The following SLC13A2 variants were observed in gnomAD, a reference collection of about 807,000 sequenced individuals.
SLC13A2 encodes the protein solute carrier family 13 member 2.
A neutral mutation model predicts 58.5 loss-of-function variants in SLC13A2; 40 were observed. That is an observed-to-expected ratio of 0.68 (90% CI 0.53 to 0.89). The LOEUF (loss-of-function observed/expected upper bound fraction) is 0.89. Ranked by LOEUF, SLC13A2 falls within the 40% of genes least tolerant of loss-of-function variation. SLC13A2 has a pLI of 0.00. For missense variants in SLC13A2, 694 were observed against 772.6 expected (o/e 0.90, Z 1.21); for synonymous variants, 341 against 331.6 (o/e 1.03, Z -0.31).
chr17:28,491,549 C>T lies in SLC13A2; in HGVS notation c.687C>T (p.Ala229=). The T allele has an allele frequency of 1.2e-6, 2 of 1,613,792 alleles. No individual in the cohort carries two copies. The highest frequency in any genetic ancestry group is 1.7e-5 in the Admixed American group (1 of 60,034). Residue 229 remains alanine (A), a synonymous_variant, in exon 5 of 12, where the codon GCC becomes GCT. Coordinates refer to ENST00000314669, the MANE Select transcript of SLC13A2 (RefSeq NM_003984.4). ...TGAGCCTGTGCGTGTGCTACTCCGC[C>T]AGCATCGGGGGCATCGCCACGCTGA... ...QCMSLCVCYS[A]SIGGIATLTG... is the part of the protein sequence containing the mutation.
In SLC13A2 at chr17:28,494,810, C is replaced by T. The variant is rs909692054; in HGVS notation, c.1308+298C>T. Among the ~76,000 whole-genome samples the T allele has an allele frequency of 6.6e-6, 1 of 152,100 alleles. No individual in the cohort carries two copies. Among genetic ancestry groups the T allele is most frequent in the African/African-American group, 2.4e-5 (1 of 41,404 alleles). On this transcript the variant is annotated intron_variant, in intron 9 of 11. Transcript: ENST00000314669. This position sits in a 1 kb window ranked among gnomAD's most constrained non-coding sequence, Gnocchi z 4.0. ...TGCCATCCCACCCCAGCCCTTTGCC[C>T]GCTGCCAGAGCACACAGTAGCATCA...
chr17:28,495,448 G>T (rs1451705693), intron 9 of SLC13A2, among the ~76,000 whole-genome samples: 1 of 152,062 alleles, frequency 6.6e-6, no homozygotes, highest in African/African-American at 2.4e-5. Context: ...TTTCTCATCT[G>T]CCCCTTCTTC....
Position 28,496,325 on chromosome 17 carries a change from T to C in SLC13A2, c.1471-125T>C. 1 of 1,280,046 alleles carries C rather than the reference T, an allele frequency of 7.8e-7. No individual in the cohort carries two copies. The highest frequency in any genetic ancestry group is 1.0e-6 in the Non-Finnish European group (1 of 954,374). 79.3% of individuals were successfully genotyped at this position (1,280,046 alleles called of 1,614,324 possible). On this transcript the variant is annotated intron_variant, in intron 10 of 11. Transcript: ENST00000314669. This position sits in a 1 kb window ranked among gnomAD's most constrained non-coding sequence, Gnocchi z 4.2. ...GTGCCTTCTGGGAGAAGAGGTGGGC[T>C]CATGACCAGAGAGTGTATTAGGGTA...
chr17:28,478,020 T>C (rs2068722193), intron 1 of SLC13A2, among the ~76,000 whole-genome samples: 1 of 151,814 alleles, frequency 6.6e-6, no homozygotes, highest in Non-Finnish European at 1.5e-5. Context: ...ATTGTGCCAC[T>C]GCACTCCAGC....
intron 5 of SLC13A2, 29 bp from the exon 6 acceptor site, chr17:28,491,701 T>C (rs782116847): frequency 3.1e-6 from 5 of 1,612,606 alleles, no homozygotes; most frequent in Non-Finnish European, 4.2e-6. Context: ...CGGGGCAATG[T>C]CACACGGCAG....
chr17:28,493,443 TG>T, intron 6 of SLC13A2, 127 bp from the exon 7 acceptor site: 1 of 696,888 alleles, frequency 1.4e-6, no homozygotes, highest in Non-Finnish European at 2.3e-6. Flanking sequence ...CAGGCGGAGC[TG>T]GGGCCTGAGT....
chr17:28,487,859 G>A (rs1468167700), intron 1 of SLC13A2, among the ~76,000 whole-genome samples: 1 of 152,192 alleles, frequency 6.6e-6, no homozygotes, highest in Non-Finnish European at 1.5e-5. Flanking sequence ...ATTTGGTGGG[G>A]CTATGTGCAG....
rs1262049506 is a variant in SLC13A2 at position 28,494,987 on chromosome 17, G to C, written c.1308+475G>C. Reference sequence around the variant, plus strand: ...GGGAAATCCCTGACACGGCATCCCTGGGCCTCCGTGTTCTGGCTCAAACAG... The same window carrying C: ...GGGAAATCCCTGACACGGCATCCCTCGGCCTCCGTGTTCTGGCTCAAACAG... On this transcript the variant is annotated intron_variant, in intron 9 of 11. Transcript: ENST00000314669. The surrounding 1 kb of genome is among the most constrained non-coding windows in gnomAD (Gnocchi z 4.0). Among the ~76,000 whole-genome samples, 7 of 152,136 alleles carry C rather than the reference G, an allele frequency of 4.6e-5. No individual in the cohort carries two copies. Among genetic ancestry groups the C allele is most frequent in the Non-Finnish European group, 7.4e-5 (5 of 68,024 alleles).
At position 28,474,540 on chromosome 17, in the gene SLC13A2, C is replaced by T. The variant is rs962571284; in HGVS notation, c.102+726C>T. On this transcript the variant is annotated intron_variant, in intron 1 of 11. Coordinates refer to ENST00000314669, the MANE Select transcript of SLC13A2 (RefSeq NM_003984.4). The stretch of plus-strand genomic sequence containing the variant: ...TTTTCCACCATCTTAAGAGGTCAGG[C>T]CTGACTGTCCCATTTGACAAATGGG... Among the ~76,000 whole-genome samples the T allele has an allele frequency of 2.6e-5, 4 of 152,102 alleles. No individual in the cohort carries two copies. In the South Asian group the frequency reaches 8.3e-4, roughly 32 times the overall value.
intron 1 of SLC13A2, among the ~76,000 whole-genome samples, chr17:28,474,531 G>C (rs1353756379): frequency 2.0e-5 from 3 of 152,092 alleles, no homozygotes; most frequent in Admixed American, 2.0e-4. Context: ...ACCATCTTAA[G>C]AGGTCAGGCC....
intron 5 of SLC13A2, 49 bp downstream of exon 5, chr17:28,491,666 GA>G (rs1345696288): frequency 1.2e-6 from 2 of 1,608,396 alleles, no homozygotes; most frequent in African/African-American, 2.7e-5. Flanking sequence ...CATTCACTGG[GA>G]GGTGAATGGG....
chr17:28,494,124 G>T lies in SLC13A2; in HGVS notation c.1186+19G>T. On this transcript the variant is annotated intron_variant, in intron 8 of 11. Coordinates refer to ENST00000314669, the MANE Select transcript of SLC13A2 (RefSeq NM_003984.4). This position sits in a 1 kb window ranked among gnomAD's most constrained non-coding sequence, Gnocchi z 4.0. ...GACCCAGGTAAGCACCTGGACTGGG[G>T]CAGGGAAGGGTCTCCGGGCAGCCCC... 6.2e-7 allele frequency: 1 copy of T among 1,607,100 alleles called. No individual in the cohort carries two copies. The highest frequency in any genetic ancestry group is 8.5e-7 in the Non-Finnish European group (1 of 1,173,596).
chr17:28,492,317 G>A (rs879963844), intron 6 of SLC13A2, among the ~76,000 whole-genome samples: 3 of 151,788 alleles, frequency 2.0e-5, no homozygotes, highest in Non-Finnish European at 4.4e-5. Context: ...GTGGGGTCAC[G>A]ACAGAGGGAA....
chr17:28,489,339 T>C lies in SLC13A2; in HGVS notation c.228T>C (p.Ser76=), dbSNP rs782118150. The C allele has an allele frequency of 6.3e-7, 1 of 1,586,832 alleles. No homozygotes were observed. The change falls in exon 2 of 12, where the codon TCT becomes TCC. Residue 76 remains serine (S), a synonymous_variant. Coordinates refer to ENST00000314669, the MANE Select transcript of SLC13A2 (RefSeq NM_003984.4). ...CTATGATGGGCATCGTGGATGCCTC[T>C]GAGGTGAGCCCCATCCATAGGAGAA... is the stretch of plus-strand genomic sequence containing the variant. ...LFPMMGIVDA[S]EVAVEYLKDS...
chr17:28,487,488 A>G (rs1242610927), intron 1 of SLC13A2: 2 of 961,842 alleles, frequency 2.1e-6, no homozygotes, highest in Non-Finnish European at 1.2e-6. Flanking sequence ...CACATAGAAT[A>G]TGACGCCTGG....
Position 28,495,638 on chromosome 17 carries a change from T to C in SLC13A2, c.1309-17T>C. ...AGGCAGCCTTGCCTCTCACATGCCA[T>C]CCTCCTCTGCCCACAGCGATCGGGC... On this transcript the variant is annotated splice_polypyrimidine_tract_variant and intron_variant, in intron 9 of 11. Transcript: ENST00000314669. 6 of 1,602,748 alleles carry C rather than the reference T, an allele frequency of 3.7e-6. No individual in the cohort carries two copies. Among genetic ancestry groups the C allele is most frequent in the African/African-American group, 1.3e-5 (1 of 74,948 alleles).
In SLC13A2 at chr17:28,476,161, C is replaced by T. The variant is rs782385765; in HGVS notation, c.102+2347C>T. Among the ~76,000 whole-genome samples, 5 of 152,166 alleles carry T rather than the reference C, an allele frequency of 3.3e-5. No individual in the cohort carries two copies. In the East Asian group the frequency reaches 5.8e-4, roughly 18 times the overall value. On this transcript the variant is annotated intron_variant, in intron 1 of 11. Transcript: ENST00000314669. ...GATTCTTCTCCTTCCCTCCTTTCCA[C>T]GTGCAGCAGAAGGTCCTGCTCATTT...
chr17:28,479,863 C>G (rs1219381980), intron 1 of SLC13A2, among the ~76,000 whole-genome samples: 1 of 151,986 alleles, frequency 6.6e-6, no homozygotes, highest in Non-Finnish European at 1.5e-5. Context: ...CACTAAAGAT[C>G]AAAAAAGTTG....
rs550453889 is a variant in SLC13A2 at position 28,480,090 on chromosome 17, A to T, written c.102+6276A>T. 2.6e-5 allele frequency among the ~76,000 whole-genome samples: 4 copies of T among 151,370 alleles called. No homozygotes were observed. The South Asian group carries it at 8.4e-4, about 32-fold the overall frequency. On this transcript the variant is annotated intron_variant, in intron 1 of 11. Transcript: ENST00000314669. ...ATTCTCTTGAACCCAGGAGGCAGAG[A>T]CTGCAATGAGCCAAGATCACGCCAC...
Sources: gnomAD v4.1 joint callset for allele counts (sites outside exome capture counted in the v4.1 genomes callset) on GRCh38, gnomAD v4.1.1 for gene constraint, Gnocchi (gnomAD v3.1) non-coding constraint, MANE v1.5 for transcripts, NCBI Gene and HGNC (gene_info 2026-07-23, HGNC 2026-07-21) for gene names.